The following ZFHX3 variants were observed in gnomAD, a reference collection of about 807,000 sequenced individuals.
ZFHX3 encodes the protein zinc finger homeobox 3, also known as zinc finger homeobox protein 3.
Under a neutral mutation model 279.1 loss-of-function variants are expected in ZFHX3, and 42 were observed. The observed-to-expected ratio is 0.15, with a 90% CI of 0.12 to 0.19. ZFHX3 has a LOEUF of 0.19. Ranked by LOEUF, ZFHX3 falls within the 10% of genes least tolerant of loss-of-function variation. ZFHX3 has a pLI of 1.00. For missense variants in ZFHX3, 4,981 were observed against 4,754.0 expected, an observed-to-expected ratio of 1.05 and a Z score of -1.40; for synonymous variants, 2,293 against 1,957.8, an observed-to-expected ratio of 1.17 and a Z score of -4.52.
At chr16:73,313,876 G>GGCC (rs2015385544) in intron 4 of ZFHX3, among the ~76,000 whole-genome samples, 1 of 152,214 alleles carries the variant, frequency 6.6e-6, no homozygotes, top group African/African-American at 2.4e-5. Flanking sequence ...GGGAGGCTGT[G>GGCC]GCCGGTGGAT....
chr16:73,639,695 G>A (rs1010058474), intron 2 of ZFHX3, among the ~76,000 whole-genome samples: 3 of 152,064 alleles, frequency 2.0e-5, no homozygotes, highest in Admixed American at 6.5e-5. Flanking sequence ...AAACATGGTA[G>A]ATTGAACATG....
intron 1 of ZFHX3, among the ~76,000 whole-genome samples, chr16:73,792,212 C>G (rs1460089445): frequency 1.3e-5 from 2 of 152,168 alleles, no homozygotes; most frequent in Admixed American, 6.5e-5. Context: ...GTATAAAGAT[C>G]TATTTTATGT....
intron 1 of ZFHX3, among the ~76,000 whole-genome samples, chr16:73,792,844 A>G (rs1485031849): frequency 6.8e-6 from 1 of 148,050 alleles, no homozygotes; most frequent in Non-Finnish European, 1.5e-5. Context: ...TTGGCCCTTG[A>G]CCATACAGTG....
chr16:72,889,703 G>C, intron 4 of ZFHX3, 28 bp downstream of exon 4: 1 of 1,605,602 alleles, frequency 6.2e-7, no homozygotes, highest in Non-Finnish European at 8.5e-7. Context: ...GCCCAACCTG[G>C]GCCTCCCATG....
chr16:73,424,467 A>C (rs2017774086), intron 3 of ZFHX3, among the ~76,000 whole-genome samples: 1 of 152,108 alleles, frequency 6.6e-6, no homozygotes, highest in Non-Finnish European at 1.5e-5. Flanking sequence ...GCAACTCAAC[A>C]ATCTGGGCTA....
intron 5 of ZFHX3, among the ~76,000 whole-genome samples, chr16:73,213,338 A>T: frequency 6.6e-6 from 1 of 152,334 alleles, no homozygotes; most frequent in South Asian, 2.1e-4. Flanking sequence ...ACCCTGCCTC[A>T]CCAAGTTTTC....
chr16:73,740,642 A>C (rs1036122438), intron 1 of ZFHX3, among the ~76,000 whole-genome samples: 2 of 152,234 alleles, frequency 1.3e-5, no homozygotes, highest in African/African-American at 4.8e-5. Flanking sequence ...ATACAAATAC[A>C]AAATACTTTG....
At chr16:73,311,233 C>T (rs1352193248) in intron 4 of ZFHX3, among the ~76,000 whole-genome samples, 1 of 151,382 alleles carries the variant, frequency 6.6e-6, no homozygotes, top group African/African-American at 2.4e-5. Flanking sequence ...GACTTCGTCT[C>T]CCTCCACAAA....
intron 3 of ZFHX3, among the ~76,000 whole-genome samples, chr16:73,372,449 C>A (rs1161486618): frequency 6.6e-6 from 1 of 152,054 alleles, no homozygotes; most frequent in Non-Finnish European, 1.5e-5. Context: ...TATTTGAATT[C>A]CCCCAAATTC....
chr16:73,322,106 A>G (rs557049544), intron 3 of ZFHX3, among the ~76,000 whole-genome samples: 166 of 152,308 alleles, frequency 1.1e-3, no homozygotes, highest in Admixed American at 2.0e-3. Context: ...TAAGCTGGCA[A>G]CAGTAGCCCT....
In ZFHX3 at chr16:73,873,507, C is replaced by T. The variant is rs1164953965; in HGVS notation, c.-1608+18144G>A. 2.0e-5 allele frequency among the ~76,000 whole-genome samples: 3 copies of T among 152,104 alleles called. No individual in the cohort carries two copies. In the East Asian group the frequency reaches 5.8e-4, roughly 29 times the overall value. ...GCTAAAACGAAGTATAGTGAGCTCACACCAATGGCTCAGAAATGACACATT... is the reference window on the plus strand; with the variant it reads ...GCTAAAACGAAGTATAGTGAGCTCATACCAATGGCTCAGAAATGACACATT... On this transcript the variant is annotated intron_variant, in intron 1 of 17. Coordinates refer to the ZFHX3 transcript ENST00000641206.
chr16:73,576,612 G>A (rs2051802293), intron 2 of ZFHX3, among the ~76,000 whole-genome samples: 1 of 152,108 alleles, frequency 6.6e-6, no homozygotes, highest in Non-Finnish European at 1.5e-5. Context: ...ACACCCTGCT[G>A]ACAGTTCTGT....
chr16:73,753,043 T>C (rs1006137966), intron 1 of ZFHX3, among the ~76,000 whole-genome samples: 1 of 152,186 alleles, frequency 6.6e-6, no homozygotes, highest in Non-Finnish European at 1.5e-5. Flanking sequence ...TTTGTGTGTA[T>C]TGTTGGTGAT....
At chr16:73,102,935 G>GT (rs1223825184) in intron 7 of ZFHX3, among the ~76,000 whole-genome samples, 1 of 151,988 alleles carries the variant, frequency 6.6e-6, no homozygotes. Flanking sequence ...TTGTTTGTTT[G>GT]TTTTTTTGAG....
At chr16:73,388,551 G>A (rs1473901317) in intron 3 of ZFHX3, among the ~76,000 whole-genome samples, 1 of 152,186 alleles carries the variant, frequency 6.6e-6, no homozygotes, top group African/African-American at 2.4e-5. Context: ...TAAGTTGCCA[G>A]GGGATTGGAG....
rs746011517 is a variant in ZFHX3, at chr16:72,959,602, C to T, written c.544G>A (p.Gly182Arg). The T allele has an allele frequency of 4.3e-6, 7 of 1,614,182 alleles. No individual in the cohort carries two copies. The South Asian group carries it at 6.6e-5, about 15-fold the overall frequency. The change falls in exon 2 of 10, where the codon GGG becomes AGG. Residue 182 changes from glycine (G) to arginine (R), a missense_variant. This residue lies in a region of ZFHX3 where 1,068 missense variants were observed against 935.2 expected (regional missense o/e 1.14). Transcript: ENST00000268489. ...NSLPGAGGKQ[G>R]DPSCAAPVYP... ...ACGGGTGCAGCACACGAAGGGTCCC[C>T]TTGCTTGCCCCCCGCGCCAGGGAGA... is the stretch of plus-strand genomic sequence containing the variant.
chr16:73,648,043 G>A (rs1433368178), intron 2 of ZFHX3, among the ~76,000 whole-genome samples: 1 of 152,176 alleles, frequency 6.6e-6, no homozygotes, highest in African/African-American at 2.4e-5. Flanking sequence ...CACTGTTGAT[G>A]AGAATGTAAA....
chr16:73,760,727 A>G (rs2053855334), intron 1 of ZFHX3, among the ~76,000 whole-genome samples: 1 of 152,320 alleles, frequency 6.6e-6, no homozygotes, highest in South Asian at 2.1e-4. Context: ...CAAAAAACAC[A>G]TGATTTTCTC....
Position 72,838,135 on chromosome 16 carries a change from C to T in ZFHX3, c.3449-8276G>A, listed in dbSNP as rs143917531. Among the ~76,000 whole-genome samples the T allele has an allele frequency of 4.5e-3, 688 of 152,296 alleles. 11 individuals are homozygous for T. Among genetic ancestry groups the T allele is most frequent in the African/African-American group, 0.015 (622 of 41,576 alleles). On this transcript the variant is annotated intron_variant, in intron 4 of 9. Transcript: ENST00000268489. ...CTCCTTACCGCCCCCACCCTGACCC[C>T]GTTCCTGTCCCCCATTACCACCATC... is the stretch of plus-strand genomic sequence containing the variant.
Sources: allele counts gnomAD v4.1 joint callset (sites outside exome capture counted in the v4.1 genomes callset), GRCh38; gene constraint gnomAD v4.1.1; regional missense constraint gnomAD v4.1.1; transcripts MANE v1.5; gene names NCBI Gene and HGNC (gene_info 2026-07-23, HGNC 2026-07-21).